Variants in SNRPF observed in about 807,000 individuals in gnomAD.
SNRPF encodes small nuclear ribonucleoprotein polypeptide F.
A neutral mutation model predicts 13.4 loss-of-function variants in SNRPF; 1 was observed. The ratio of observed to expected loss-of-function variants is 0.07; its 90% CI spans 0.03 to 0.35. The LOEUF (loss-of-function observed/expected upper bound fraction) is 0.35, where lower values mean the gene tolerates loss of function less well. Ranked by LOEUF, SNRPF falls within the 10% of genes least tolerant of loss-of-function variation. The probability of loss-of-function intolerance (pLI) is 0.99; values close to 1 mark genes in which losing one functional copy is unlikely to be tolerated. For missense variants in SNRPF, 53 were observed against 101.0 expected (o/e 0.52, Z 2.04); for synonymous variants, 27 against 32.1 (o/e 0.84, Z 0.54).
chr12:95,865,569 AT>A (rs1481299937), intron 3 of SNRPF, among the ~76,000 whole-genome samples, 181 bp downstream of exon 3: 1 of 152,208 alleles, frequency 6.6e-6, no homozygotes, highest in Non-Finnish European at 1.5e-5. Flanking sequence ...AAGTTTTCAA[AT>A]GTTTTGGAAC....
chr12:95,865,975 A>G, intron 3 of SNRPF, 30 bp from the exon 4 acceptor site: 1 of 1,045,874 alleles, frequency 9.6e-7, no homozygotes, highest in East Asian at 2.5e-5. Flanking sequence ...TTCTGGTTGG[A>G]ACAACAAAAT....
intron 1 of SNRPF, among the ~76,000 whole-genome samples, chr12:95,860,504 A>C (rs2079490283): frequency 6.6e-6 from 1 of 152,202 alleles, no homozygotes; most frequent in Admixed American, 6.5e-5. Flanking sequence ...CAATATAATT[A>C]TTTGTATGTG....
In SNRPF at chr12:95,861,240, G is replaced by A; in HGVS notation, c.76G>A (p.Gly26Arg). 1 of 1,612,468 alleles carries A rather than the reference G, an allele frequency of 6.2e-7. No homozygotes were observed. The change falls in exon 2 of 4, where the codon GGA becomes AGA. Residue 26 changes from glycine (G) to arginine (R), a missense_variant. Physicochemically the swap from Gly to Arg is moderately radical, Grantham distance 125. Coordinates refer to ENST00000266735, the MANE Select transcript of SNRPF (RefSeq NM_003095.5). ...GCCAGTGATGGTGAAACTTAAGTGG[G>A]GAATGGAGTACAAGGGCTATCTGGT... The part of the protein sequence containing the change: ...GKPVMVKLKW[G>R]MEYKGYLVSV...
intron 2 of SNRPF, among the ~76,000 whole-genome samples, chr12:95,862,483 G>A (rs28762087): frequency 0.22 from 33,247 of 152,060 alleles, 4,171 homozygotes; most frequent in African/African-American, 0.35. Context: ...GGAGGCTGAG[G>A]CAGCAGATTG....
At chr12:95,865,236 CAGTT>C (rs1188568699) in intron 2 of SNRPF, 84 bp from the exon 3 acceptor site, 1 of 592,984 alleles carries the variant, frequency 1.7e-6, no homozygotes, top group African/African-American at 1.9e-5. Flanking sequence ...AGAAAGGTCT[CAGTT>C]AATGAGTTCT....
rs766575576 is a variant in SNRPF, at chr12:95,858,957, T to C, written c.-117T>C. 6.9e-7 allele frequency: 1 copy of C among 1,456,774 alleles called. No individual in the cohort carries two copies. Among genetic ancestry groups the C allele is most frequent in the Non-Finnish European group, 9.5e-7 (1 of 1,057,346 alleles). The allele number at this position is 1,456,774 out of a possible 1,614,324, so 90.2% of individuals were successfully genotyped here. A position where few individuals can be genotyped will look rare whatever the true frequency, so the allele number is the denominator to read the frequency against. ...GGAGGTGAAAGGTCATAGTCCTGTT[T>C]GGCGGCCATTTCTCTTGAAACTGCG... On this transcript the variant is annotated 5_prime_UTR_variant, in exon 1 of 4. Transcript: ENST00000266735.
At chr12:95,865,442 C>G (rs2079516550) in intron 3 of SNRPF, 54 bp downstream of exon 3, 2 of 822,076 alleles carry the variant, frequency 2.4e-6, no homozygotes, top group African/African-American at 1.7e-5. Context: ...TTAGGAATAC[C>G]TGTTCTAAAT....
chr12:95,859,093 C>A lies in SNRPF; in HGVS notation c.3+17C>A. 6.2e-7 allele frequency: 1 copy of A among 1,608,098 alleles called. No homozygotes were observed. The highest frequency in any genetic ancestry group is 8.5e-7 in the Non-Finnish European group (1 of 1,175,864). On this transcript the variant is annotated intron_variant, in intron 1 of 3. Transcript: ENST00000266735. ...GTTACGATGGTAAGGAGAAAGAGAACGGCGGGAGAAGCGGGGAGAAAGAGA... is the reference window on the plus strand; with the variant it reads ...GTTACGATGGTAAGGAGAAAGAGAAAGGCGGGAGAAGCGGGGAGAAAGAGA...
Position 95,861,216 on chromosome 12 carries a change from C to T in SNRPF, c.52C>T (p.Pro18Ser). 6.2e-7 allele frequency: 1 copy of T among 1,611,876 alleles called. No homozygotes were observed. Among genetic ancestry groups the T allele is most frequent in the Non-Finnish European group, 8.5e-7 (1 of 1,178,518 alleles). Residue 18 changes from proline to serine, a missense_variant, in exon 2 of 4, where the codon CCA (proline) becomes TCA (serine). Coordinates refer to ENST00000266735, the MANE Select transcript of SNRPF (RefSeq NM_003095.5). Reference sequence around the variant, plus strand: ...TTTCCTCAATGGACTAACAGGAAAGCCAGTGATGGTGAAACTTAAGTGGGG... The same window carrying T: ...TTTCCTCAATGGACTAACAGGAAAGTCAGTGATGGTGAAACTTAAGTGGGG... ...KPFLNGLTGKPVMVKLKWGME... is the reference protein window; with the variant it reads ...KPFLNGLTGKSVMVKLKWGME...
At chr12:95,859,281 CCTT>C (rs1444797383) in intron 1 of SNRPF, among the ~76,000 whole-genome samples, 4 of 152,100 alleles carry the variant, frequency 2.6e-5, no homozygotes, top group Admixed American at 1.3e-4. Flanking sequence ...AGTGCCCGTG[CCTT>C]CTTCTCTTTG....
intron 3 of SNRPF, among the ~76,000 whole-genome samples, 163 bp from the exon 4 acceptor site, chr12:95,865,842 A>G (rs1197102152): frequency 6.6e-6 from 1 of 152,098 alleles, no homozygotes. Context: ...TTTTCAACAA[A>G]TCTATGTGAA....
chr12:95,859,224 T>TG, intron 1 of SNRPF, 148 bp downstream of exon 1: 1 of 617,856 alleles, frequency 1.6e-6, no homozygotes, highest in African/African-American at 4.1e-5. Context: ...ACTCTGCTTT[T>TG]AGGTTTCTGA....
At chr12:95,865,894 G>A in intron 3 of SNRPF, 111 bp from the exon 4 acceptor site, 2 of 434,138 alleles carry the variant, frequency 4.6e-6, no homozygotes, top group Non-Finnish European at 4.1e-6. Context: ...TTTTTTTAAA[G>A]ACAAGAATAT....
At chr12:95,859,137 G>T in intron 1 of SNRPF, 61 bp downstream of exon 1, 1 of 1,431,260 alleles carries the variant, frequency 7.0e-7, no homozygotes, top group South Asian at 1.2e-5. Flanking sequence ...GACCAGCCTC[G>T]CGGGGCCTGC....
At chr12:95,860,533 C>T (rs974841189) in intron 1 of SNRPF, among the ~76,000 whole-genome samples, 1 of 152,160 alleles carries the variant, frequency 6.6e-6, no homozygotes, top group Non-Finnish European at 1.5e-5. Flanking sequence ...CCCTCCCCAT[C>T]TCCAACTTCT....
chr12:95,863,010 G>GT (rs1027986603), intron 2 of SNRPF, among the ~76,000 whole-genome samples: 3 of 151,532 alleles, frequency 2.0e-5, no homozygotes, highest in East Asian at 1.9e-4. Flanking sequence ...ATTTTTTGTT[G>GT]TTTTTTTAAT....
intron 2 of SNRPF, among the ~76,000 whole-genome samples, chr12:95,863,403 T>C (rs554041212): frequency 6.6e-6 from 1 of 152,328 alleles, no homozygotes; most frequent in South Asian, 2.1e-4. Context: ...ATCTCAATAA[T>C]AAAAGAATTA....
intron 2 of SNRPF, chr12:95,865,115 G>A (rs1025390856): frequency 1.9e-5 from 7 of 360,964 alleles, no homozygotes; most frequent in African/African-American, 1.5e-4. Context: ...GTTGAAACAA[G>A]CTTTGAATAT....
intron 1 of SNRPF, among the ~76,000 whole-genome samples, chr12:95,860,456 T>C (rs190301626): frequency 6.6e-6 from 1 of 152,374 alleles, no homozygotes; most frequent in African/African-American, 2.4e-5. Flanking sequence ...TTGGTACCCT[T>C]GTGCCTAGTA....
Sources: gnomAD v4.1 joint callset for allele counts (sites outside exome capture counted in the v4.1 genomes callset) on GRCh38, gnomAD v4.1.1 for gene constraint, MANE v1.5 for transcripts, NCBI Gene and HGNC (gene_info 2026-07-23, HGNC 2026-07-21) for gene names.